The following PIK3C3 variants were observed in gnomAD, a reference collection of about 807,000 sequenced individuals.
PIK3C3 encodes PI3-kinase type 3.
PIK3C3 carries 95 observed loss-of-function variants against 126.1 expected under a neutral mutation model. The observed-to-expected ratio is 0.75, with a 90% CI of 0.64 to 0.89. The LOEUF is 0.89. Among genes scored for constraint, PIK3C3 ranks in the 40% least tolerant of loss-of-function variants. The pLI is 0.00. For synonymous variants in PIK3C3, 374 were observed against 360.0 expected (o/e 1.04, Z -0.44); for missense variants, 829 against 1,063.2 (o/e 0.78, Z 3.06).
intron 4 of PIK3C3, among the ~76,000 whole-genome samples, chr18:41,974,175 G>A (rs1186918664): frequency 6.6e-6 from 1 of 152,078 alleles, no homozygotes; most frequent in African/African-American, 2.4e-5. Flanking sequence ...CTATTTAATG[G>A]CCTGTGAAAA....
intron 1 of PIK3C3, among the ~76,000 whole-genome samples, chr18:41,957,113 T>TAAA (rs1979817987): frequency 2.6e-5 from 4 of 152,238 alleles, no homozygotes; most frequent in African/African-American, 9.6e-5. Context: ...CTTAATATTT[T>TAAA]ATTGTAATAC....
chr18:42,078,104 G>A (rs988081225), intron 24 of PIK3C3, among the ~76,000 whole-genome samples: 14 of 152,046 alleles, frequency 9.2e-5, no homozygotes, highest in Non-Finnish European at 2.1e-4. Flanking sequence ...CCGGCCGGGC[G>A]CGGTGGCTCA....
intron 9 of PIK3C3, among the ~76,000 whole-genome samples, chr18:41,998,187 A>C (rs534332825): frequency 1.3e-5 from 2 of 152,230 alleles, no homozygotes; most frequent in African/African-American, 4.8e-5. Flanking sequence ...ATTCTCCTTT[A>C]TATCCATAAT....
In PIK3C3 at chr18:42,076,137, TATATATGC is replaced by T. The variant is rs769403018; in HGVS notation, c.2650-4985_2650-4978del. 2.6e-3 allele frequency among the ~76,000 whole-genome samples: 208 copies of T among 80,802 alleles called. 8 individuals are homozygous for T. Among genetic ancestry groups the T allele is most frequent in the African/African-American group, 9.6e-3 (141 of 14,692 alleles). The allele number at this position is 80,802 out of a possible 152,430, so 53.0% of individuals were successfully genotyped here. A position where few individuals can be genotyped will look rare whatever the true frequency, so the allele number is the denominator to read the frequency against. ...ATATATATATGCGCATATATATATA[TATATATGC>T]GCATATATATATATATGCACATATA... is the stretch of plus-strand genomic sequence containing the variant. On this transcript the variant is annotated intron_variant, in intron 24 of 24. Coordinates refer to ENST00000262039, the MANE Select transcript of PIK3C3 (RefSeq NM_002647.4).
chr18:41,974,972 T>G (rs899204391), intron 4 of PIK3C3, among the ~76,000 whole-genome samples: 3 of 152,180 alleles, frequency 2.0e-5, no homozygotes, highest in Non-Finnish European at 4.4e-5. Flanking sequence ...TTAGTTTCTG[T>G]CAGTTTGATT....
At chr18:41,987,122 G>A (rs1279165871) in intron 4 of PIK3C3, among the ~76,000 whole-genome samples, 1 of 151,128 alleles carries the variant, frequency 6.6e-6, no homozygotes, top group Non-Finnish European at 1.5e-5. Flanking sequence ...AATGAGAGGG[G>A]TGTTGATTTT....
At chr18:42,034,107 T>C in intron 16 of PIK3C3, 150 bp downstream of exon 16, 1 of 477,782 alleles carries the variant, frequency 2.1e-6, no homozygotes, top group Non-Finnish European at 3.5e-6. Context: ...TACCTTTTAT[T>C]TATCAGTGTG....
chr18:42,015,857 A>G (rs77383172), intron 12 of PIK3C3, among the ~76,000 whole-genome samples: 1,647 of 152,314 alleles, frequency 0.011, 29 homozygotes, highest in African/African-American at 0.038. Context: ...TTTACTGTCA[A>G]TGTGTTTATG....
intron 9 of PIK3C3, among the ~76,000 whole-genome samples, chr18:41,998,356 A>T (rs976832712): frequency 1.3e-5 from 2 of 152,140 alleles, no homozygotes. Context: ...ATGAAGAATA[A>T]CCTTGGTCAC....
intron 22 of PIK3C3, among the ~76,000 whole-genome samples, chr18:42,060,776 C>CA (rs904144120): frequency 1.3e-5 from 2 of 151,286 alleles, no homozygotes; most frequent in African/African-American, 2.4e-5. Context: ...GACTCTGTCT[C>CA]AAAAAAAGAA....
At chr18:42,052,951 G>A (rs1487703332) in intron 21 of PIK3C3, 1 of 151,998 alleles carries the variant, frequency 6.6e-6, no homozygotes, top group Non-Finnish European at 1.5e-5. Flanking sequence ...CAATACCTTT[G>A]TTTTCTGTAC....
intron 13 of PIK3C3, among the ~76,000 whole-genome samples, chr18:42,021,747 A>G (rs918567570): frequency 6.6e-6 from 1 of 152,196 alleles, no homozygotes; most frequent in Non-Finnish European, 1.5e-5. Context: ...GAAATCTGAA[A>G]TGCTCCAAAA....
rs1469644014 is a variant in PIK3C3 at position 42,019,823 on chromosome 18, T to C, written c.1417-815T>C. ...AAAATACAACTATTTCCTCTTACTC[T>C]ATAGATAGGCAGCTTTTTGTCTGAA... On this transcript the variant is annotated intron_variant, in intron 12 of 24. Transcript: ENST00000262039. Among the ~76,000 whole-genome samples the C allele has an allele frequency of 2.6e-5, 4 of 152,174 alleles. No individual in the cohort carries two copies. In the East Asian group the frequency reaches 7.7e-4, roughly 29 times the overall value.
chr18:42,071,165 C>T (rs1349803195), intron 24 of PIK3C3, among the ~76,000 whole-genome samples: 1 of 152,138 alleles, frequency 6.6e-6, no homozygotes, highest in African/African-American at 2.4e-5. Context: ...ATTATTCTAA[C>T]AGTCTAAGGA....
intron 21 of PIK3C3, 57 bp downstream of exon 21, chr18:42,049,662 C>T (rs1185960752): frequency 7.6e-7 from 1 of 1,311,486 alleles, no homozygotes; most frequent in South Asian, 1.2e-5. Flanking sequence ...GTTTTTACCC[C>T]TGAATCTATG....
chr18:41,966,177 CTTTTTTT>C (rs10539758), intron 3 of PIK3C3, among the ~76,000 whole-genome samples: 1 of 112,574 alleles, frequency 8.9e-6, no homozygotes, highest in African/African-American at 3.7e-5. Flanking sequence ...TATATTGTTC[CTTTTTTT>C]TTTTTTTTTT....
chr18:42,078,415 A>T (rs1381860207), intron 24 of PIK3C3, among the ~76,000 whole-genome samples: 2 of 150,908 alleles, frequency 1.3e-5, no homozygotes, highest in East Asian at 3.9e-4. Flanking sequence ...AAAAATTTTC[A>T]GTAAACCATA....
rs1346278641 is a variant in PIK3C3, at chr18:41,996,648, G to A, written c.902G>A (p.Ser301Asn). Reference protein sequence around the residue: ...ATRDQLNIIVSYPPTKQLTYE... With the variant: ...ATRDQLNIIVNYPPTKQLTYE... ...CTTTTTTTGTTTTAGATTATTGTGA[G>A]TTATCCACCAACCAAGCAACTTACA... Residue 301 changes from serine (S) to asparagine (N), a missense_variant, in exon 9 of 25, where the codon AGT becomes AAT. By Grantham distance (46) the Ser-to-Asn change is conservative (BLOSUM62 1). This residue lies in a region of PIK3C3 where 64 missense variants were observed against 118.7 expected (regional missense o/e 0.54). Coordinates refer to ENST00000262039, the MANE Select transcript of PIK3C3 (RefSeq NM_002647.4). 2 of 1,551,828 alleles carry A rather than the reference G, an allele frequency of 1.3e-6. No individual in the cohort carries two copies. Among genetic ancestry groups the A allele is most frequent in the African/African-American group, 1.4e-5 (1 of 72,864 alleles).
At chr18:42,069,170 T>G (rs1387795425) in intron 24 of PIK3C3, among the ~76,000 whole-genome samples, 1 of 152,164 alleles carries the variant, frequency 6.6e-6, no homozygotes, top group East Asian at 1.9e-4. Context: ...AACACCAGTC[T>G]TGATCATATT....
Sources: gnomAD v4.1 joint callset for allele counts (sites outside exome capture counted in the v4.1 genomes callset) on GRCh38, gnomAD v4.1.1 for gene constraint, gnomAD v4.1.1 regional missense constraint, MANE v1.5 for transcripts, NCBI Gene and HGNC (gene_info 2026-07-23, HGNC 2026-07-21) for gene names.